Variants in ARG1 observed in about 807,000 individuals in gnomAD.
The protein encoded by ARG1 is arginase-1.
In ARG1, 20 loss-of-function variants were observed where a neutral mutation model predicts 33.0. That is an observed-to-expected ratio of 0.61 (90% confidence interval 0.43 to 0.88). The LOEUF (loss-of-function observed/expected upper bound fraction) is 0.88. Ranked by LOEUF, ARG1 falls within the 40% of genes least tolerant of loss-of-function variation. The probability of loss-of-function intolerance (pLI) is 0.00; values close to 1 mark genes in which losing one functional copy is unlikely to be tolerated. For missense variants in ARG1, 374 were observed against 384.7 expected (o/e 0.97, Z 0.23); for synonymous variants, 146 against 140.6 (o/e 1.04, Z -0.27).
chr6:131,579,212 G>C lies in ARG1; in HGVS notation c.232G>C (p.Glu78Gln). ...KNPRSVGKAS[E>Q]QLAGKVAEVK... The stretch of plus-strand genomic sequence containing the variant: ...TCCAAGGTCTGTGGGAAAAGCAAGC[G>C]AGCAGCTGGCTGGCAAGGTGGCAGA... The change falls in exon 3 of 8, where the codon GAG (glutamate) becomes CAG (glutamine). Residue 78 changes from glutamate to glutamine, a missense_variant. Transcript: ENST00000368087. 1 of 1,614,082 alleles carries C rather than the reference G, an allele frequency of 6.2e-7. No individual in the cohort carries two copies.
intron 1 of ARG1, among the ~76,000 whole-genome samples, chr6:131,575,708 G>A (rs1462734799): frequency 1.3e-5 from 2 of 152,198 alleles, no homozygotes; most frequent in African/African-American, 4.8e-5. Context: ...AGCTCTGTTG[G>A]AAATTAAAAT....
intron 4 of ARG1, among the ~76,000 whole-genome samples, chr6:131,582,024 CAATAAA>C (rs1773953135): frequency 1.3e-5 from 2 of 152,018 alleles, no homozygotes; most frequent in South Asian, 2.1e-4. Flanking sequence ...CATAGTATAT[CAATAAA>C]AAGTTTTTAT....
At chr6:131,573,440 T>C (rs903578288) in intron 1 of ARG1, 101 bp downstream of exon 1, 7 of 1,132,376 alleles carry the variant, frequency 6.2e-6, no homozygotes, top group African/African-American at 6.1e-5. Flanking sequence ...AGTTTTCTGA[T>C]ACAATCTGGC....
chr6:131,579,367 A>G, intron 3 of ARG1, 82 bp downstream of exon 3: 4 of 1,502,072 alleles, frequency 2.7e-6, no homozygotes, highest in Non-Finnish European at 3.6e-6. Context: ...ATTTAGAAAT[A>G]TAGACAGAAA....
intron 1 of ARG1, chr6:131,573,966 T>C (rs1773492584): frequency 2.6e-6 from 1 of 387,224 alleles, no homozygotes; most frequent in South Asian, 3.5e-5. Context: ...CTACTGCGGG[T>C]TGGCAACTCT....
chr6:131,575,790 T>G (rs1010225800), intron 1 of ARG1, among the ~76,000 whole-genome samples: 3 of 152,220 alleles, frequency 2.0e-5, no homozygotes, highest in Non-Finnish European at 4.4e-5. Flanking sequence ...ACTTGCCCCT[T>G]GGAGGAAGAG....
At chr6:131,576,870 A>G (rs1562354263) in intron 2 of ARG1, 135 bp downstream of exon 2, 2 of 760,698 alleles carry the variant, frequency 2.6e-6, no homozygotes, top group Non-Finnish European at 4.6e-6. Flanking sequence ...CGAGAAACAC[A>G]TCCTACAAAA....
At position 131,573,344 on chromosome 6, in the gene ARG1, G is replaced by A. The variant is rs1562351511; in HGVS notation, c.57+5G>A. ...GCTCCTTTCTCAAAGGGACAGGTAA[G>A]GAAAAAAGTCTTTCTTTGAATTCCT... is the stretch of plus-strand genomic sequence containing the variant. On this transcript the variant is annotated splice_donor_5th_base_variant and intron_variant, in intron 1 of 7. Transcript: ENST00000368087. 5 of 1,613,808 alleles carry A rather than the reference G, an allele frequency of 3.1e-6. No homozygotes were observed. Among genetic ancestry groups the A allele is most frequent in the East Asian group, 4.5e-5 (2 of 44,848 alleles).
Position 131,583,661 on chromosome 6 carries a change from G to T in ARG1, c.803-81G>T, listed in dbSNP as rs971615125. The T allele has an allele frequency of 4.9e-5, 75 of 1,543,898 alleles. No homozygotes were observed. The East Asian group carries it at 1.8e-3, about 36-fold the overall frequency. On this transcript the variant is annotated intron_variant, in intron 7 of 7. Transcript: ENST00000368087. ...CGGTTACTACCTTTTTCTGTTAGTG[G>T]ATAATCTTTCAAGTCTGTCTGTACT...
chr6:131,577,916 A>G (rs570050427), intron 2 of ARG1, among the ~76,000 whole-genome samples: 6 of 152,030 alleles, frequency 3.9e-5, no homozygotes, highest in South Asian at 4.1e-4. Flanking sequence ...AAAAAAAAAA[A>G]AAAAGAAAAA....
Position 131,584,024 on chromosome 6 carries a change from C to A in ARG1, c.*116C>A. 1 of 1,217,874 alleles carries A rather than the reference C, an allele frequency of 8.2e-7. No homozygotes were observed. The highest frequency in any genetic ancestry group is 1.4e-5 in the South Asian group (1 of 70,648). The allele number at this position is 1,217,874 out of a possible 1,614,324, so 75.4% of individuals were successfully genotyped here. On this transcript the variant is annotated 3_prime_UTR_variant, in exon 8 of 8. Transcript: ENST00000368087. ...TTGTTCTTTCAGAAAAATGTTTTTC[C>A]AATTAGTATAAACTCTACAAATTCC...
chr6:131,584,037 C>T lies in ARG1; in HGVS notation c.*129C>T. The T allele has an allele frequency of 9.7e-7, 1 of 1,034,760 alleles. No homozygotes were observed. Among genetic ancestry groups the T allele is most frequent in the Non-Finnish European group, 1.4e-6 (1 of 722,676 alleles). 64.1% of individuals were successfully genotyped at this position (1,034,760 alleles called of 1,614,324 possible). A position where few individuals can be genotyped will look rare whatever the true frequency, so the allele number is the denominator to read the frequency against. On this transcript the variant is annotated 3_prime_UTR_variant, in exon 8 of 8. Coordinates refer to ENST00000368087, the MANE Select transcript of ARG1 (RefSeq NM_000045.4). ...AAAATGTTTTTCCAATTAGTATAAA[C>T]TCTACAAATTCCCTCTTGGTGTAAA... is the stretch of plus-strand genomic sequence containing the variant.
intron 1 of ARG1, among the ~76,000 whole-genome samples, chr6:131,574,799 C>T (rs1191424998): frequency 2.0e-5 from 3 of 151,956 alleles, no homozygotes; most frequent in African/African-American, 7.3e-5. Context: ...TGCAAGGCAG[C>T]GAACAAACAA....
intron 2 of ARG1, among the ~76,000 whole-genome samples, chr6:131,577,152 G>A (rs1773657144): frequency 6.6e-6 from 1 of 152,190 alleles, no homozygotes; most frequent in African/African-American, 2.4e-5. Flanking sequence ...TGGGCGCAGT[G>A]TGTATATATA....
rs763302987 is a variant in ARG1 at position 131,583,780 on chromosome 6, T to A, written c.841T>A (p.Ser281Thr). 1 of 1,613,950 alleles carries A rather than the reference T, an allele frequency of 6.2e-7. No homozygotes were observed. The highest frequency in any genetic ancestry group is 1.3e-5 in the African/African-American group (1 of 74,910). ...ATTAGATATAATGGAAGTGAACCCA[T>A]CCCTGGGGAAGACACCAGAAGAAGT... The part of the protein sequence containing the change: ...SGLDIMEVNP[S>T]LGKTPEEVTR... Residue 281 changes from serine (S) to threonine (T), a missense_variant, in exon 8 of 8, where the codon TCC (serine) becomes ACC (threonine). By Grantham distance (58) the Ser-to-Thr change is moderately conservative. Coordinates refer to ENST00000368087, the MANE Select transcript of ARG1 (RefSeq NM_000045.4).
At position 131,579,174 on chromosome 6, in the gene ARG1, A is replaced by G; in HGVS notation, c.194A>G (p.Gln65Arg). Residue 65 changes from glutamine to arginine, a missense_variant, in exon 3 of 8, where the codon CAA becomes CGA. Coordinates refer to ENST00000368087, the MANE Select transcript of ARG1 (RefSeq NM_000045.4). ...FADIPNDSPF[Q>R]IVKNPRSVGK... ...GACATCCCTAATGACAGTCCCTTTC[A>G]AATTGTGAAGAATCCAAGGTCTGTG... 6.2e-7 allele frequency: 1 copy of G among 1,614,168 alleles called. No individual in the cohort carries two copies. The highest frequency in any genetic ancestry group is 8.5e-7 in the Non-Finnish European group (1 of 1,180,032).
At chr6:131,576,142 C>T (rs1773602284) in intron 1 of ARG1, among the ~76,000 whole-genome samples, 1 of 152,240 alleles carries the variant, frequency 6.6e-6, no homozygotes, top group African/African-American at 2.4e-5. Context: ...CTGACACACC[C>T]TGTCCCCAAC....
chr6:131,574,395 C>T (rs1773514563), intron 1 of ARG1: 1 of 1,353,220 alleles, frequency 7.4e-7, no homozygotes, highest in African/African-American at 1.4e-5. Flanking sequence ...CTCCAAAAGT[C>T]TCTCCCAAAC....
chr6:131,574,170 C>G, intron 1 of ARG1: 2 of 1,243,082 alleles, frequency 1.6e-6, no homozygotes, highest in South Asian at 2.4e-5. Flanking sequence ...AAACAAAGAA[C>G]AAAATCAAAC....
Sources: gnomAD v4.1 joint callset for allele counts (sites outside exome capture counted in the v4.1 genomes callset) on GRCh38, gnomAD v4.1.1 for gene constraint, MANE v1.5 for transcripts, NCBI Gene and HGNC (gene_info 2026-07-23, HGNC 2026-07-21) for gene names.